The following CADM2 variants were observed in gnomAD, a reference collection of about 807,000 sequenced individuals.
CADM2 encodes cell adhesion molecule 2.
CADM2 carries 12 observed loss-of-function variants against 49.8 expected under a neutral mutation model. The observed-to-expected ratio is 0.24, with a 90% CI of 0.15 to 0.39. CADM2 has a LOEUF of 0.39. CADM2 is among the 10% of genes least tolerant of loss of function. The pLI is 1.00. For synonymous variants in CADM2, 214 were observed against 175.4 expected (o/e 1.22, Z -1.74); for missense variants, 378 against 492.3 (o/e 0.77, Z 2.20).
At chr3:85,685,154 C>T (rs543711393) in intron 1 of CADM2, among the ~76,000 whole-genome samples, 82 of 152,196 alleles carry the variant, frequency 5.4e-4, no homozygotes, top group African/African-American at 1.9e-3. Context: ...CACCTGGGAC[C>T]AGCCACACCC....
chr3:85,682,611 A>G (rs1394782273), intron 1 of CADM2, among the ~76,000 whole-genome samples: 1 of 152,112 alleles, frequency 6.6e-6, no homozygotes, highest in Non-Finnish European at 1.5e-5. Flanking sequence ...AATAATTTAT[A>G]TTAGCTAAAA....
At chr3:85,581,938 T>C (rs1447124338) in intron 1 of CADM2, among the ~76,000 whole-genome samples, 1 of 152,116 alleles carries the variant, frequency 6.6e-6, no homozygotes, top group African/African-American at 2.4e-5. Flanking sequence ...TTTGTTTTGT[T>C]TTGTTTTTTA....
intron 1 of CADM2, among the ~76,000 whole-genome samples, chr3:85,220,094 A>G (rs2042013288): frequency 6.6e-6 from 1 of 152,114 alleles, no homozygotes; most frequent in African/African-American, 2.4e-5. Flanking sequence ...ATACCTCTGA[A>G]ATACACTAGA....
At chr3:85,593,170 TTTTTA>T (rs201757843) in intron 1 of CADM2, among the ~76,000 whole-genome samples, 3,236 of 151,882 alleles carry the variant, frequency 0.021, 137 homozygotes, top group South Asian at 0.1. Flanking sequence ...TTAATAAGAT[TTTTTA>T]TTTTATTTTA....
chr3:85,031,170 C>T lies in CADM2; in HGVS notation c.61+71502C>T, dbSNP rs532448004. Among the ~76,000 whole-genome samples the T allele has an allele frequency of 1.1e-4, 17 of 152,256 alleles. No homozygotes were observed. The South Asian group carries it at 2.9e-3, about 26-fold the overall frequency. Reference sequence around the variant, plus strand: ...TGGCCCACTCACAGATGTGAAGCGACGGCCATAAACACCCAGAACTCATTT... The same window carrying T: ...TGGCCCACTCACAGATGTGAAGCGATGGCCATAAACACCCAGAACTCATTT... On this transcript the variant is annotated intron_variant, in intron 1 of 9. Transcript: ENST00000383699.
At chr3:85,361,514 A>AT (rs943864856) in intron 1 of CADM2, among the ~76,000 whole-genome samples, 1 of 152,198 alleles carries the variant, frequency 6.6e-6, no homozygotes, top group Non-Finnish European at 1.5e-5. Flanking sequence ...TGGGCCTGTC[A>AT]TTTTAAGGAT....
At chr3:85,826,921 GAATA>G (rs1468242958) in intron 3 of CADM2, among the ~76,000 whole-genome samples, 5 of 151,848 alleles carry the variant, frequency 3.3e-5, no homozygotes, top group African/African-American at 1.2e-4. Flanking sequence ...GTGGAAGTTA[GAATA>G]GATATAATGC....
intron 1 of CADM2, among the ~76,000 whole-genome samples, chr3:85,672,278 C>T (rs1177347095): frequency 4.6e-5 from 7 of 150,716 alleles, no homozygotes; most frequent in African/African-American, 9.8e-5. Context: ...CTGCAAGCTC[C>T]GCCTCCCGGG....
chr3:85,949,183 A>T (rs924186567), intron 7 of CADM2, among the ~76,000 whole-genome samples: 1 of 151,478 alleles, frequency 6.6e-6, no homozygotes, highest in Non-Finnish European at 1.5e-5. Context: ...GAGTTACAAA[A>T]TCAATTTATA....
At chr3:85,904,449 G>A (rs1327789767) in intron 5 of CADM2, among the ~76,000 whole-genome samples, 8 of 152,126 alleles carry the variant, frequency 5.3e-5, no homozygotes, top group Non-Finnish European at 1.2e-4. Context: ...CTCCACCTTG[G>A]GTACATCTAT....
chr3:85,462,713 A>T (rs1401389555), intron 1 of CADM2, among the ~76,000 whole-genome samples: 5 of 152,304 alleles, frequency 3.3e-5, no homozygotes, highest in South Asian at 2.1e-4. Context: ...AGTTAACCCT[A>T]GCCTAAAATA....
intron 3 of CADM2, among the ~76,000 whole-genome samples, chr3:85,877,684 G>GT (rs368101272): frequency 0.53 from 59,059 of 111,672 alleles, 14,857 homozygotes; most frequent in East Asian, 0.58. Context: ...TTTTTCTTCT[G>GT]TTTTTTTTTT....
intron 1 of CADM2, among the ~76,000 whole-genome samples, chr3:85,326,101 T>C (rs1322773908): frequency 1.3e-5 from 2 of 152,166 alleles, no homozygotes; most frequent in African/African-American, 4.8e-5. Flanking sequence ...AAATTCCCTC[T>C]TTCTCTTTAA....
intron 1 of CADM2, among the ~76,000 whole-genome samples, chr3:85,142,323 T>C (rs540591686): frequency 6.6e-6 from 1 of 152,272 alleles, no homozygotes; most frequent in East Asian, 1.9e-4. Context: ...ATATATACCA[T>C]GGATCAGTTA....
At chr3:85,004,106 T>C (rs1417688110) in intron 1 of CADM2, among the ~76,000 whole-genome samples, 1 of 152,174 alleles carries the variant, frequency 6.6e-6, no homozygotes, top group Non-Finnish European at 1.5e-5. Context: ...TCTTACATGA[T>C]TAAATTGTTG....
rs569790626 is a variant in CADM2, at chr3:85,981,507, G to T, written c.970+19860G>T. Among the ~76,000 whole-genome samples, 27 of 151,414 alleles carry T rather than the reference G, an allele frequency of 1.8e-4. No individual in the cohort carries two copies. The South Asian group carries it at 5.2e-3, about 29-fold the overall frequency. On this transcript the variant is annotated intron_variant, in intron 8 of 9. Coordinates refer to ENST00000383699, the MANE Select transcript of CADM2 (RefSeq NM_001167675.2). ...TAGTTTTTTGATCCTCACCCTCCTG[G>T]ACCCTCCCATCCTCAACTAGGTCCC...
chr3:84,965,063 T>C (rs2030871759), intron 1 of CADM2, among the ~76,000 whole-genome samples: 1 of 152,226 alleles, frequency 6.6e-6, no homozygotes, highest in African/African-American at 2.4e-5. Context: ...CCAGATACTT[T>C]ACATTAGATT....
intron 3 of CADM2, among the ~76,000 whole-genome samples, chr3:85,815,545 G>C (rs1420141131): frequency 1.3e-5 from 2 of 152,002 alleles, no homozygotes; most frequent in Non-Finnish European, 2.9e-5. Flanking sequence ...AAATTCAACA[G>C]CTCTTCATGC....
At position 85,203,030 on chromosome 3, in the gene CADM2, G is replaced by A. The variant is rs114713398; in HGVS notation, c.61+243362G>A. Among the ~76,000 whole-genome samples, 429 of 152,178 alleles carry A rather than the reference G, an allele frequency of 2.8e-3. 2 individuals are homozygous for A. The highest frequency in any genetic ancestry group is 9.8e-3 in the African/African-American group (408 of 41,506). On this transcript the variant is annotated intron_variant, in intron 1 of 9. Transcript: ENST00000383699. ...CCTCTTTAGAATTGAAGGGAGTTAC[G>A]GCCTTGCTCTGGATTAGGTTTCGGC... is the stretch of plus-strand genomic sequence containing the variant.
Sources: gnomAD v4.1 joint callset for allele counts (sites outside exome capture counted in the v4.1 genomes callset) on GRCh38, gnomAD v4.1.1 for gene constraint, MANE v1.5 for transcripts, NCBI Gene and HGNC (gene_info 2026-07-23, HGNC 2026-07-21) for gene names.